The following CCNK variants were observed in gnomAD, a reference collection of about 807,000 sequenced individuals.
The protein encoded by CCNK is cyclin-K.
A neutral mutation model predicts 65.0 loss-of-function variants in CCNK; 9 were observed. The observed-to-expected ratio is 0.14, with a 90% CI of 0.08 to 0.24. The LOEUF is 0.24. Ranked by LOEUF, CCNK falls within the 10% of genes least tolerant of loss-of-function variation. The pLI, the probability that CCNK is intolerant of heterozygous loss-of-function variation, is 1.00. For missense variants in CCNK, 474 were observed against 720.0 expected (o/e 0.66, Z 3.91); for synonymous variants, 279 against 270.8 (o/e 1.03, Z -0.30).
chr14:99,507,054 C>A (rs1896993013), intron 9 of CCNK, 22 bp from the exon 10 acceptor site: 2 of 1,494,476 alleles, frequency 1.3e-6, no homozygotes, highest in African/African-American at 2.8e-5. Flanking sequence ...GAGTGGTTTT[C>A]TAATCTGCTT....
At chr14:99,503,161 C>T (rs1402426310) in intron 8 of CCNK, 177 bp downstream of exon 8, 4 of 764,296 alleles carry the variant, frequency 5.2e-6, no homozygotes, top group Non-Finnish European at 9.1e-6. Context: ...GCTCCAAGGA[C>T]AGGCTGCCTC....
At chr14:99,484,788 C>T (rs1009242885) in intron 1 of CCNK, among the ~76,000 whole-genome samples, 2 of 152,066 alleles carry the variant, frequency 1.3e-5, no homozygotes, top group African/African-American at 4.8e-5. Flanking sequence ...GAGGGGATTT[C>T]GATATTGGGT....
chr14:99,487,655 G>A (rs1289234825), intron 1 of CCNK, among the ~76,000 whole-genome samples: 2 of 152,210 alleles, frequency 1.3e-5, no homozygotes, highest in Non-Finnish European at 2.9e-5. Flanking sequence ...CAAATTGATG[G>A]AAATAGAGGT....
At chr14:99,503,149 G>T in intron 8 of CCNK, 165 bp downstream of exon 8, 1 of 810,966 alleles carries the variant, frequency 1.2e-6, no homozygotes, top group Non-Finnish European at 2.1e-6. Flanking sequence ...GAAAACAAAG[G>T]TGCTCCAAGG....
At chr14:99,507,339 G>T (rs931132943) in intron 10 of CCNK, 192 bp downstream of exon 10, 1 of 579,798 alleles carries the variant, frequency 1.7e-6, no homozygotes, top group Non-Finnish European at 3.1e-6. Context: ...CACTTTGGGA[G>T]GCGGAGGCAG....
intron 1 of CCNK, 37 bp downstream of exon 1, chr14:99,481,516 C>G (rs1896318293): frequency 2.5e-6 from 1 of 398,646 alleles, no homozygotes; most frequent in East Asian, 3.6e-5. Context: ...CGCCGCCCAC[C>G]TCCCGCGTAT....
At chr14:99,490,556 T>C (rs1357051277) in intron 1 of CCNK, among the ~76,000 whole-genome samples, 1 of 152,200 alleles carries the variant, frequency 6.6e-6, no homozygotes, top group Non-Finnish European at 1.5e-5. Context: ...TAGAGAAGTC[T>C]TGTTTCCATT....
At chr14:99,489,010 C>T (rs765670272) in intron 1 of CCNK, among the ~76,000 whole-genome samples, 1 of 151,886 alleles carries the variant, frequency 6.6e-6, no homozygotes, top group African/African-American at 2.4e-5. Flanking sequence ...AGGCTCCAAC[C>T]CCAGACTGGA....
At position 99,510,145 on chromosome 14, in the gene CCNK, T is replaced by C; in HGVS notation, c.1118-12T>C. The C allele has an allele frequency of 6.3e-7, 1 of 1,590,992 alleles. No individual in the cohort carries two copies. The highest frequency in any genetic ancestry group is 2.3e-5 in the East Asian group (1 of 44,324). On this transcript the variant is annotated splice_polypyrimidine_tract_variant and intron_variant, in intron 10 of 10. Transcript: ENST00000389879. ...GGCGGAGGCCGGGCACTGATGCGTC[T>C]CTCTCCTGCAGACCGGAAGCCTCCC...
At chr14:99,489,692 G>A (rs1180905556) in intron 1 of CCNK, among the ~76,000 whole-genome samples, 1 of 152,082 alleles carries the variant, frequency 6.6e-6, no homozygotes, top group African/African-American at 2.4e-5. Flanking sequence ...TTTAGGATTT[G>A]CTTTTTTATT....
chr14:99,496,689 G>A (rs1007752002), intron 4 of CCNK, among the ~76,000 whole-genome samples: 10 of 151,336 alleles, frequency 6.6e-5, no homozygotes, highest in South Asian at 6.3e-4. Flanking sequence ...CAGCCTGGGC[G>A]ACGGAGCAAA....
chr14:99,510,663 C>G lies in CCNK; in HGVS notation c.1624C>G (p.Pro542Ala), dbSNP rs1406326892. The G allele has an allele frequency of 7.1e-7, 1 of 1,417,132 alleles. No individual in the cohort carries two copies. The highest frequency in any genetic ancestry group is 9.2e-7 in the Non-Finnish European group (1 of 1,086,636). The allele number at this position is 1,417,132 out of a possible 1,614,324, so 87.8% of individuals were successfully genotyped here. ...TCCTCCTCCAGGGTTGGGCCTGCCG[C>G]CAGCCAGCTACCCACCTCCTGCCGT... ...PHPPPGLGLP[P>A]ASYPPPAVPP... The change falls in exon 11 of 11, where the codon CCA becomes GCA. Residue 542 changes from proline to alanine, a missense_variant. Pro to Ala is a conservative substitution (Grantham distance 27). Around this residue, in one of 6 missense-constraint regions of CCNK, gnomAD observed 53 missense variants for 91.4 expected, o/e 0.58. Coordinates refer to ENST00000389879, the MANE Select transcript of CCNK (RefSeq NM_001099402.2).
Position 99,492,709 on chromosome 14 carries a change from C to A in CCNK, c.32C>A (p.Ser11Ter). 6.2e-7 allele frequency: 1 copy of A among 1,609,954 alleles called. No homozygotes were observed. The highest frequency in any genetic ancestry group is 8.5e-7 in the Non-Finnish European group (1 of 1,178,838). MKENKENSSPSVTSANLDHTK... is the reference protein window; with the variant it reads MKENKENSSP ...GAGAATAAAGAAAATTCAAGCCCTT[C>A]AGTAACTTCAGCAAACCTGGACCAC... is the stretch of plus-strand genomic sequence containing the variant. The change falls in exon 2 of 11, where the codon TCA (serine) becomes TAA (stop). Residue 11 changes from serine to a stop codon, truncating the protein, a stop_gained. Transcript: ENST00000389879. LOFTEE classifies it high-confidence loss of function.
Position 99,503,238 on chromosome 14 carries a change from C to T in CCNK, c.1011+254C>T. The T allele has an allele frequency of 4.6e-6, 3 of 658,496 alleles. No individual in the cohort carries two copies. The South Asian group carries it at 5.0e-5, about 11-fold the overall frequency. 40.8% of individuals were successfully genotyped at this position (658,496 alleles called of 1,614,324 possible). A position where few individuals can be genotyped will look rare whatever the true frequency, so the allele number is the denominator to read the frequency against. ...TGCCTGTTTCATCCCTGCCAGGGTT[C>T]TGAAGCCTGTCGGTGTCGTTGCCGT... On this transcript the variant is annotated intron_variant, in intron 8 of 10. Transcript: ENST00000389879.
intron 1 of CCNK, among the ~76,000 whole-genome samples, chr14:99,489,149 C>G (rs1279770699): frequency 6.6e-6 from 1 of 151,538 alleles, no homozygotes; most frequent in Non-Finnish European, 1.5e-5. Flanking sequence ...TTTTTTTTAA[C>G]CATGATTTAT....
intron 6 of CCNK, chr14:99,501,974 G>T: frequency 2.6e-6 from 1 of 389,262 alleles, no homozygotes; most frequent in Non-Finnish European, 4.5e-6. Context: ...ATTTTTGGAT[G>T]TGCTAGAATT....
chr14:99,486,416 C>T (rs1349243723), intron 1 of CCNK, among the ~76,000 whole-genome samples: 1 of 152,188 alleles, frequency 6.6e-6, no homozygotes, highest in East Asian at 1.9e-4. Context: ...TACCCAGACC[C>T]CTTCCTTCTT....
rs996628753 is a variant in CCNK at position 99,500,670 on chromosome 14, G to A, written c.412-96G>A. 1.1e-4 allele frequency: 92 copies of A among 816,832 alleles called. 1 individual carries two copies. In the South Asian group the frequency reaches 1.4e-3, roughly 12 times the overall value. The allele number at this position is 816,832 out of a possible 1,614,324, so 50.6% of individuals were successfully genotyped here. A position where few individuals can be genotyped will look rare whatever the true frequency, so the allele number is the denominator to read the frequency against. On this transcript the variant is annotated intron_variant, in intron 4 of 10. Transcript: ENST00000389879. ...AAAGGCAGTTGCTAAAATATAACTT[G>A]AAGAGAGAATAAATAGACAGGAAAG... is the stretch of plus-strand genomic sequence containing the variant.
At chr14:99,486,493 G>A (rs1896489084) in intron 1 of CCNK, among the ~76,000 whole-genome samples, 1 of 151,720 alleles carries the variant, frequency 6.6e-6, no homozygotes, top group Non-Finnish European at 1.5e-5. Context: ...TGAACCCCAA[G>A]TAGATATGTT....
Sources: gnomAD v4.1 joint callset for allele counts (sites outside exome capture counted in the v4.1 genomes callset) on GRCh38, gnomAD v4.1.1 for gene constraint, gnomAD v4.1.1 regional missense constraint, MANE v1.5 for transcripts, NCBI Gene and HGNC (gene_info 2026-07-23, HGNC 2026-07-21) for gene names.